The following TET3 variants were observed in gnomAD, a reference collection of about 807,000 sequenced individuals.
TET3 encodes the protein tet methylcytosine dioxygenase 3.
Under a neutral mutation model 141.4 loss-of-function variants are expected in TET3, and 19 were observed. The observed-to-expected ratio is 0.13, with a 90% confidence interval of 0.09 to 0.20. TET3 has a LOEUF of 0.20. TET3 is among the 10% of genes least tolerant of loss of function. TET3 has a pLI of 1.00. For synonymous variants in TET3, 1,043 were observed against 980.9 expected (o/e 1.06, Z -1.18); for missense variants, 1,874 against 2,356.9 (o/e 0.80, Z 4.24).
intron 4 of TET3, among the ~76,000 whole-genome samples, 163 bp downstream of exon 4, chr2:74,048,574 T>G (rs910753488): frequency 6.6e-6 from 1 of 152,108 alleles, no homozygotes; most frequent in Non-Finnish European, 1.5e-5. Context: ...GGAAAAGACA[T>G]TGAAAGAAAT....
rs1419889909 is a variant in TET3, at chr2:74,104,357, G to A, written c.*2181G>A. The A allele has an allele frequency of 6.6e-6, 1 of 152,120 alleles. No individual in the cohort carries two copies. Among genetic ancestry groups the A allele is most frequent in the African/African-American group, 2.4e-5 (1 of 41,426 alleles). The allele number at this position is 152,120 out of a possible 1,614,324, so 9.4% of individuals were successfully genotyped here. A position where few individuals can be genotyped will look rare whatever the true frequency, so the allele number is the denominator to read the frequency against. ...AACTCAGATTTATAGGAAAACCTCT[G>A]ACCTTCAGTTTGACAAGCTAAAGGA... On this transcript the variant is annotated 3_prime_UTR_variant, in exon 12 of 12. Transcript: ENST00000409262.
the TET3 span, among the ~76,000 whole-genome samples, chr2:74,123,679 C>T: frequency 1.3e-5 from 2 of 152,202 alleles, no homozygotes; most frequent in Admixed American, 6.5e-5. Flanking sequence ...CGGCCACCAC[C>T]CCGTCTGGGA....
At chr2:74,127,871 G>C in the TET3 span, among the ~76,000 whole-genome samples, 1 of 152,154 alleles carries the variant, frequency 6.6e-6, no homozygotes, top group Non-Finnish European at 1.5e-5. Context: ...ACAGGCAAGA[G>C]TATTTTCTAG....
Position 74,048,177 on chromosome 2 carries a change from C to G in TET3, c.2260C>G (p.Pro754Ala), listed in dbSNP as rs376608226. ...APESPFATRS[P>A]KQIKIESSGA... is the part of the protein sequence containing the mutation. The stretch of plus-strand genomic sequence containing the variant: ...TGAGAGCCCCTTTGCTACCCGTTCC[C>G]CCAAGCAAATCAAGATTGAGTCTTC... Residue 754 changes from proline (P) to alanine (A), a missense_variant, in exon 4 of 12, where the codon CCC (proline) becomes GCC (alanine). By Grantham distance (27) the Pro-to-Ala change is conservative. Coordinates refer to ENST00000409262, the MANE Select transcript of TET3 (RefSeq NM_001287491.2). The G allele has an allele frequency of 3.1e-6, 5 of 1,612,706 alleles. No homozygotes were observed. Among genetic ancestry groups the G allele is most frequent in the Non-Finnish European group, 4.2e-6 (5 of 1,179,276 alleles).
In TET3 at chr2:74,101,531, C is replaced by G. The variant is rs747515001; in HGVS notation, c.4743C>G (p.Ser1581=). ...GCCAGCTGGACAGGGCCTGGCAGTC[C>G]TTTGGTCTGCCCCTGGGATCCAGCG... ...GASQLDRAWQ[S]FGLPLGSSEK... is the part of the protein sequence containing the mutation. The change falls in exon 12 of 12, where the codon TCC becomes TCG. Residue 1581 remains serine (S), a synonymous_variant. Coordinates refer to ENST00000409262, the MANE Select transcript of TET3 (RefSeq NM_001287491.2). This position sits in a 1 kb window ranked among gnomAD's most constrained non-coding sequence, Gnocchi z 8.5. 1.6e-5 allele frequency: 25 copies of G among 1,610,820 alleles called. No homozygotes were observed. The highest frequency in any genetic ancestry group is 2.1e-5 in the Non-Finnish European group (25 of 1,178,580).
chr2:74,047,740 A>C lies in TET3; in HGVS notation c.1823A>C (p.Gln608Pro). Residue 608 changes from glutamine to proline, a missense_variant, in exon 4 of 12, where the codon CAG becomes CCG. Coordinates refer to ENST00000409262, the MANE Select transcript of TET3 (RefSeq NM_001287491.2). ...AAGCCCAGTGTCCGAAAGCCCATTC[A>C]GATCAAGAAGTCCAGGCCCCGGGAA... ...GIKPSVRKPIQIKKSRPREAQ... is the reference protein window; with the variant it reads ...GIKPSVRKPIPIKKSRPREAQ... The C allele has an allele frequency of 6.2e-7, 1 of 1,613,750 alleles. No homozygotes were observed. The highest frequency in any genetic ancestry group is 8.5e-7 in the Non-Finnish European group (1 of 1,179,816).
chr2:74,034,653 C>T (rs1686932431), intron 3 of TET3, among the ~76,000 whole-genome samples: 1 of 150,120 alleles, frequency 6.7e-6, no homozygotes, highest in Non-Finnish European at 1.5e-5. Context: ...TGACACTGCT[C>T]TATAATATTC....
Position 74,100,834 on chromosome 2 carries a change from C to T in TET3, c.4046C>T (p.Ala1349Val), listed in dbSNP as rs1297982525. 1.2e-6 allele frequency: 2 copies of T among 1,611,964 alleles called. No homozygotes were observed. Among genetic ancestry groups the T allele is most frequent in the Middle Eastern group, 1.7e-4 (1 of 6,060 alleles). Residue 1349 changes from alanine (A) to valine (V), a missense_variant, in exon 12 of 12, where the codon GCC (alanine) becomes GTC (valine). Transcript: ENST00000409262. ...ELPSQAVPTD[A>V]HHPTPHHQQP... is the part of the protein sequence containing the mutation. The stretch of plus-strand genomic sequence containing the variant: ...CCCAGCCAGGCTGTTCCCACAGACG[C>T]CCACCACCCCACTCCTCACCACCAG...
At chr2:74,002,364 C>T (rs1454887581) in intron 2 of TET3, among the ~76,000 whole-genome samples, 1 of 139,326 alleles carries the variant, frequency 7.2e-6, no homozygotes, top group Admixed American at 7.0e-5. Flanking sequence ...AGCGGGAATC[C>T]CCCCCCACCC....
intron 3 of TET3, among the ~76,000 whole-genome samples, chr2:74,034,564 C>T (rs919731001): frequency 9.9e-5 from 14 of 141,094 alleles, no homozygotes; most frequent in African/African-American, 2.7e-4. Context: ...ATGTAGTCCT[C>T]GAGCATTGAT....
chr2:74,032,451 C>CTGTGTGTGTGTGTG (rs61217149), intron 3 of TET3, among the ~76,000 whole-genome samples: 4 of 71,952 alleles, frequency 5.6e-5, no homozygotes, highest in African/African-American at 4.5e-4. Flanking sequence ...GGGTGTGTCT[C>CTGTGTGTGTGTGTG]TGTGTGTGTG....
At chr2:74,089,772 G>T (rs992125282) in intron 7 of TET3, 125 bp from the exon 8 acceptor site, 26 of 1,276,284 alleles carry the variant, frequency 2.0e-5, no homozygotes, top group Non-Finnish European at 2.5e-5. Context: ...GGGGAAGGAT[G>T]AGTCTCAGTC....
Position 74,099,496 on chromosome 2 carries a change from A to G in TET3, c.3488A>G (p.Gln1163Arg). ...PEPAKSCRQR[Q>R]LEARKAAAEK... is the part of the protein sequence containing the mutation. The stretch of plus-strand genomic sequence containing the variant: ...CCTGCCAAGTCCTGCCGCCAGCGGC[A>G]GCTGGAAGCCAGAAAGGCAGCAGCC... The change falls in exon 11 of 12, where the codon CAG becomes CGG. Residue 1163 changes from glutamine (Q) to arginine (R), a missense_variant. By Grantham distance (43) the Gln-to-Arg change is conservative (BLOSUM62 1). Coordinates refer to ENST00000409262, the MANE Select transcript of TET3 (RefSeq NM_001287491.2). The G allele has an allele frequency of 6.2e-7, 1 of 1,613,598 alleles. No homozygotes were observed. Among genetic ancestry groups the G allele is most frequent in the Non-Finnish European group, 8.5e-7 (1 of 1,179,788 alleles).
At chr2:74,122,282 C>A in the TET3 span, 1 of 151,708 alleles carries the variant, frequency 6.6e-6, no homozygotes, top group African/African-American at 2.4e-5. Flanking sequence ...AAGGCAGGCT[C>A]ACACAATCAA....
At chr2:74,096,565 G>A (rs892113774) in intron 10 of TET3, among the ~76,000 whole-genome samples, 1 of 152,056 alleles carries the variant, frequency 6.6e-6, no homozygotes, top group East Asian at 1.9e-4. Flanking sequence ...TCAGGAGTTT[G>A]TGACCAGCCT....
chr2:74,123,525 G>T, the TET3 span, among the ~76,000 whole-genome samples: 11 of 152,222 alleles, frequency 7.2e-5, no homozygotes, highest in Non-Finnish European at 1.6e-4. Context: ...GGGCAGGGGC[G>T]TGCAGGAGGG....
chr2:74,110,805 A>T (rs1038644879), downstream of TET3, among the ~76,000 whole-genome samples: 6 of 151,324 alleles, frequency 4.0e-5, no homozygotes, highest in South Asian at 2.1e-4. Flanking sequence ...CCTGACTCTC[A>T]CTCTCCATGT....
rs1235015313 is a variant in TET3, at chr2:74,047,625, C to T, written c.1708C>T (p.Leu570Phe). The T allele has an allele frequency of 6.2e-6, 10 of 1,613,560 alleles. No individual in the cohort carries two copies. Among genetic ancestry groups the T allele is most frequent in the African/African-American group, 1.3e-5 (1 of 74,930 alleles). The part of the protein sequence containing the change: ...WPPPSSPVPR[L>F]PDRPPKEKKK... ...CCCACCAAGTTCACCTGTCCCACGG[C>T]TTCCAGACAGACCACCCAAGGAGAA... is the stretch of plus-strand genomic sequence containing the variant. Residue 570 changes from leucine (L) to phenylalanine (F), a missense_variant, in exon 4 of 12, where the codon CTT becomes TTT. Transcript: ENST00000409262.
rs1165879659 is a variant in TET3 at position 74,101,432 on chromosome 2, T to C, written c.4644T>C (p.Gly1548=). The change falls in exon 12 of 12, where the codon GGT becomes GGC. Residue 1548 remains glycine, a synonymous_variant. Transcript: ENST00000409262. This position sits in a 1 kb window ranked among gnomAD's most constrained non-coding sequence, Gnocchi z 8.5. ...GAGDFNSALK[G]SPGFQDKLWN... Reference sequence around the variant, plus strand: ...GGGATTTCAACTCGGCCCTGAAAGGTAGTCCTGGGTTCCAAGACAAGCTGT... The same window carrying C: ...GGGATTTCAACTCGGCCCTGAAAGGCAGTCCTGGGTTCCAAGACAAGCTGT... 3.1e-6 allele frequency: 5 copies of C among 1,613,596 alleles called. No individual in the cohort carries two copies. The Admixed American group carries it at 8.3e-5, about 27-fold the overall frequency.
Sources: allele counts gnomAD v4.1 joint callset (sites outside exome capture counted in the v4.1 genomes callset), GRCh38; gene constraint gnomAD v4.1.1; non-coding constraint Gnocchi (gnomAD v3.1); transcripts MANE v1.5; gene names NCBI Gene and HGNC (gene_info 2026-07-23, HGNC 2026-07-21).